HSD17B12: variants seen among roughly 807,000 people sequenced by gnomAD.
HSD17B12 encodes the protein hydroxysteroid 17-beta dehydrogenase 12, also known as very-long-chain 3-oxoacyl-CoA reductase.
HSD17B12 carries 32 observed loss-of-function variants against 39.3 expected under a neutral mutation model. The ratio of observed to expected loss-of-function variants is 0.81; its 90% confidence interval spans 0.61 to 1.09. HSD17B12 has a LOEUF of 1.09. Among genes scored for constraint, HSD17B12 ranks in the 50% least tolerant of loss-of-function variants. HSD17B12 has a pLI of 0.00. For missense variants in HSD17B12, 342 were observed against 382.9 expected, an observed-to-expected ratio of 0.89 and a Z score of 0.89; for synonymous variants, 150 against 146.7, an observed-to-expected ratio of 1.02 and a Z score of -0.16.
At chr11:43,659,026 T>C in the HSD17B12 span, among the ~76,000 whole-genome samples, 1 of 152,228 alleles carries the variant, frequency 6.6e-6, no homozygotes, top group Non-Finnish European at 1.5e-5. Flanking sequence ...CTCCTTGAGC[T>C]GTGGTGGGCT....
the HSD17B12 span, among the ~76,000 whole-genome samples, chr11:43,657,971 G>C: frequency 6.6e-6 from 1 of 152,146 alleles, no homozygotes; most frequent in Non-Finnish European, 1.5e-5. Context: ...AGTTCTCCTG[G>C]ATAATATCCT....
At chr11:43,819,089 A>T (rs1417800064) in intron 6 of HSD17B12, among the ~76,000 whole-genome samples, 1 of 152,196 alleles carries the variant, frequency 6.6e-6, no homozygotes, top group Non-Finnish European at 1.5e-5. Context: ...TAATGATAAA[A>T]TATGTTTGTT....
chr11:43,778,427 T>G (rs1565085712), intron 3 of HSD17B12, among the ~76,000 whole-genome samples: 2 of 152,124 alleles, frequency 1.3e-5, no homozygotes, highest in Non-Finnish European at 2.9e-5. Flanking sequence ...CTGGTACCAT[T>G]CCTTCTGAAA....
rs142461649 is a variant in HSD17B12, at chr11:43,756,180, G to A, written c.283+2059G>A. 3.9e-4 allele frequency among the ~76,000 whole-genome samples: 59 copies of A among 151,490 alleles called. 1 individual carries two copies. The highest frequency in any genetic ancestry group is 3.1e-3 in the East Asian group (16 of 5,164). ...GGGACACAGCCAAACCATTCACAGCGCCTTATTGGAGATTCCCAATATTAA... is the reference window on the plus strand; with the variant it reads ...GGGACACAGCCAAACCATTCACAGCACCTTATTGGAGATTCCCAATATTAA... On this transcript the variant is annotated intron_variant, in intron 3 of 10. Coordinates refer to ENST00000278353, the MANE Select transcript of HSD17B12 (RefSeq NM_016142.3).
At chr11:43,564,898 CTT>C in the HSD17B12 span, among the ~76,000 whole-genome samples, 13 of 140,620 alleles carry the variant, frequency 9.2e-5, no homozygotes, top group African/African-American at 2.4e-4. Flanking sequence ...CTTTCTTCTT[CTT>C]TTTTTTTTTT....
intron 1 of HSD17B12, chr11:43,734,437 C>T: frequency 1.4e-6 from 1 of 740,198 alleles, no homozygotes. Context: ...ACTCACTGGC[C>T]ACCGCAGGGG....
chr11:43,747,498 C>T (rs1950422454), intron 1 of HSD17B12, among the ~76,000 whole-genome samples: 2 of 152,110 alleles, frequency 1.3e-5, no homozygotes, highest in South Asian at 4.1e-4. Flanking sequence ...TGGAAAGCCA[C>T]AAGAGGCCTC....
the HSD17B12 span, among the ~76,000 whole-genome samples, chr11:43,577,262 GGA>G: frequency 1.2e-4 from 19 of 152,336 alleles, no homozygotes; most frequent in East Asian, 3.3e-3. Context: ...CCTGGATGCA[GGA>G]GAGGGATACG....
chr11:43,558,275 C>T, the HSD17B12 span, among the ~76,000 whole-genome samples: 1 of 152,008 alleles, frequency 6.6e-6, no homozygotes, highest in Non-Finnish European at 1.5e-5. Flanking sequence ...GTTCAAATCC[C>T]CCAGAGGTCT....
In HSD17B12 at chr11:43,838,337, A is replaced by G; in HGVS notation, c.557A>G (p.Asn186Ser). The change falls in exon 8 of 11, where the codon AAC becomes AGC. Residue 186 changes from asparagine to serine, a missense_variant. Asn to Ser is a conservative substitution (Grantham distance 46). Coordinates refer to ENST00000278353, the MANE Select transcript of HSD17B12 (RefSeq NM_016142.3). ...MVERSKGAILNISSGSGMLPV... is the reference protein window; with the variant it reads ...MVERSKGAILSISSGSGMLPV... Reference sequence around the variant, plus strand: ...TTTAGATCCAAAGGGGCTATTCTGAACATTTCATCTGGCAGTGGCATGCTC... The same window carrying G: ...TTTAGATCCAAAGGGGCTATTCTGAGCATTTCATCTGGCAGTGGCATGCTC... 1.2e-6 allele frequency: 2 copies of G among 1,613,188 alleles called. No homozygotes were observed. The highest frequency in any genetic ancestry group is 1.7e-6 in the Non-Finnish European group (2 of 1,179,274).
the HSD17B12 span, among the ~76,000 whole-genome samples, chr11:43,639,662 CA>C: frequency 1.3e-5 from 2 of 150,930 alleles, no homozygotes; most frequent in African/African-American, 4.9e-5. Context: ...TCACATCCTT[CA>C]GGGGAAAAAA....
At chr11:43,754,234 T>G in intron 3 of HSD17B12, 113 bp downstream of exon 3, 1 of 733,666 alleles carries the variant, frequency 1.4e-6, no homozygotes, top group Non-Finnish European at 2.3e-6. Flanking sequence ...CAAGGAGAGA[T>G]ATCATTAAAG....
chr11:43,763,590 A>G (rs1950571281), intron 3 of HSD17B12, among the ~76,000 whole-genome samples: 1 of 145,236 alleles, frequency 6.9e-6, no homozygotes, highest in South Asian at 2.2e-4. Flanking sequence ...ATACCCTTAT[A>G]TATATATATA....
chr11:43,661,238 C>G, the HSD17B12 span, among the ~76,000 whole-genome samples: 2 of 152,150 alleles, frequency 1.3e-5, no homozygotes, highest in Non-Finnish European at 2.9e-5. Flanking sequence ...CATGATTCCA[C>G]TTATATGCAT....
Position 43,706,398 on chromosome 11 carries a change from G to T in HSD17B12, c.160+25411G>T, listed in dbSNP as rs922700020. Among the ~76,000 whole-genome samples the T allele has an allele frequency of 3.9e-5, 6 of 152,172 alleles. No homozygotes were observed. In the East Asian group the frequency reaches 1.2e-3, roughly 29 times the overall value. ...GTCTCTATTAAAAATACAAAAATTA[G>T]CCGTCATGAGGATGCATGCTTTTAA... is the stretch of plus-strand genomic sequence containing the variant. On this transcript the variant is annotated intron_variant, in intron 1 of 10. Coordinates refer to ENST00000278353, the MANE Select transcript of HSD17B12 (RefSeq NM_016142.3).
At chr11:43,683,161 A>G (rs1949767760) in intron 1 of HSD17B12, among the ~76,000 whole-genome samples, 1 of 150,962 alleles carries the variant, frequency 6.6e-6, no homozygotes, top group South Asian at 2.1e-4. Context: ...TCAAATGATA[A>G]GTCCAAGTCA....
intron 3 of HSD17B12, among the ~76,000 whole-genome samples, chr11:43,788,910 G>A (rs189165346): frequency 9.9e-5 from 15 of 152,196 alleles, no homozygotes; most frequent in Admixed American, 2.6e-4. Context: ...ACTTTTGAAT[G>A]AGGGGGCCCC....
chr11:43,747,308 G>A (rs956789920), intron 1 of HSD17B12, among the ~76,000 whole-genome samples: 6 of 152,220 alleles, frequency 3.9e-5, no homozygotes, highest in Non-Finnish European at 8.8e-5. Context: ...GATGTGCCAA[G>A]TGTTGTGGGA....
chr11:43,563,910 T>G, the HSD17B12 span, among the ~76,000 whole-genome samples: 1 of 152,046 alleles, frequency 6.6e-6, no homozygotes, highest in East Asian at 1.9e-4. Context: ...CTGCAATACA[T>G]TCTTTTTTTT....
Sources: gnomAD v4.1 joint callset for allele counts (sites outside exome capture counted in the v4.1 genomes callset) on GRCh38, gnomAD v4.1.1 for gene constraint, MANE v1.5 for transcripts, NCBI Gene and HGNC (gene_info 2026-07-23, HGNC 2026-07-21) for gene names.